Variants in EFCAB14 observed in about 807,000 individuals in gnomAD.
EFCAB14 encodes the protein EF-hand calcium binding domain 14.
EFCAB14 carries 43 observed loss-of-function variants against 56.5 expected under a neutral mutation model. That is an observed-to-expected ratio of 0.76 (90% CI 0.60 to 0.98). The LOEUF (loss-of-function observed/expected upper bound fraction) is 0.98. EFCAB14 is among the 50% of genes least tolerant of loss of function. EFCAB14 has a pLI of 0.00. For synonymous variants in EFCAB14, 235 were observed against 212.9 expected (o/e 1.10, Z -0.90); for missense variants, 538 against 580.3 (o/e 0.93, Z 0.75).
In EFCAB14 at chr1:46,678,607, G is replaced by C; in HGVS notation, c.1342C>G (p.Gln448Glu). The C allele has an allele frequency of 6.2e-7, 1 of 1,613,622 alleles. No individual in the cohort carries two copies. The highest frequency in any genetic ancestry group is 1.1e-5 in the South Asian group (1 of 91,004). Residue 448 changes from glutamine (Q) to glutamate (E), a missense_variant, in exon 11 of 11, where the codon CAG becomes GAG. Gln to Glu is a conservative substitution (Grantham distance 29). Transcript: ENST00000371933. ...TAGGTCAGCTTCCCATCCACGTCCT[G>C]GCCAGTCTTGCGGAATAAATCCTGA... ...DLQDLFRKTG[Q>E]DVDGKLTYQE...
At chr1:46,699,673 A>T (rs1677128303) in intron 3 of EFCAB14, among the ~76,000 whole-genome samples, 1 of 152,220 alleles carries the variant, frequency 6.6e-6, no homozygotes, top group African/African-American at 2.4e-5. Context: ...TAACAACAAC[A>T]ACTATTTAAC....
chr1:46,714,815 A>C (rs1162024808), intron 2 of EFCAB14, among the ~76,000 whole-genome samples: 1 of 151,924 alleles, frequency 6.6e-6, no homozygotes, highest in Non-Finnish European at 1.5e-5. Context: ...AAAAAAAAAA[A>C]ACAAGAAAGA....
intron 10 of EFCAB14, among the ~76,000 whole-genome samples, chr1:46,682,683 G>T (rs1676814775): frequency 6.6e-6 from 1 of 152,144 alleles, no homozygotes; most frequent in South Asian, 2.1e-4. Flanking sequence ...AGTGAATGAA[G>T]ACCCTAAAAA....
At chr1:46,712,484 C>T (rs1023621921) in intron 2 of EFCAB14, among the ~76,000 whole-genome samples, 7 of 145,946 alleles carry the variant, frequency 4.8e-5, no homozygotes, top group East Asian at 2.0e-4. Context: ...TTCTCTTTGA[C>T]GAGAAAAAAA....
At chr1:46,706,816 TGAATG>T (rs1031979957) in intron 3 of EFCAB14, among the ~76,000 whole-genome samples, 13 of 152,202 alleles carry the variant, frequency 8.5e-5, no homozygotes, top group Non-Finnish European at 1.8e-4. Context: ...TAAATAGAAC[TGAATG>T]GAAAGTGTCA....
chr1:46,679,599 GTTTTTTTTTTTTTT>G (rs60875639), intron 10 of EFCAB14, among the ~76,000 whole-genome samples: 17 of 36,524 alleles, frequency 4.7e-4, no homozygotes, highest in Middle Eastern at 0.067. Flanking sequence ...CACCACGCCT[GTTTTTTTTTTTTTT>G]TTTTTTTTTT....
chr1:46,705,451 A>G (rs890946607), intron 3 of EFCAB14, among the ~76,000 whole-genome samples: 4 of 152,250 alleles, frequency 2.6e-5, no homozygotes, highest in African/African-American at 9.6e-5. Flanking sequence ...TTGATGGGAA[A>G]AAAATCTGAC....
At chr1:46,708,149 A>G in intron 2 of EFCAB14, 98 bp from the exon 3 acceptor site, 2 of 1,150,096 alleles carry the variant, frequency 1.7e-6, no homozygotes, top group Non-Finnish European at 2.4e-6. Flanking sequence ...AGATGGATTA[A>G]TAAAAGTTAA....
intron 3 of EFCAB14, among the ~76,000 whole-genome samples, chr1:46,703,021 G>GA (rs1476936831): frequency 3.3e-5 from 5 of 152,044 alleles, no homozygotes; most frequent in African/African-American, 1.2e-4. Context: ...TTATGTTCTA[G>GA]AAAACTTGCA....
chr1:46,688,615 G>A (rs1676928565), intron 6 of EFCAB14, 71 bp from the exon 7 acceptor site: 9 of 1,303,512 alleles, frequency 6.9e-6, no homozygotes, highest in African/African-American at 1.5e-5. Context: ...CAGCAGCACC[G>A]AACAACCATT....
intron 2 of EFCAB14, among the ~76,000 whole-genome samples, chr1:46,711,365 C>A (rs961111972): frequency 2.6e-5 from 4 of 152,238 alleles, no homozygotes; most frequent in Non-Finnish European, 5.9e-5. Flanking sequence ...CTCTTTCCTG[C>A]AGTCTATACG....
intron 2 of EFCAB14, 79 bp from the exon 3 acceptor site, chr1:46,708,130 T>C (rs1677259834): frequency 2.2e-6 from 3 of 1,350,942 alleles, no homozygotes; most frequent in Non-Finnish European, 3.0e-6. Context: ...CATCAAACAG[T>C]AGGAAAGAAG....
chr1:46,708,028 A>C lies in EFCAB14; in HGVS notation c.358T>G (p.Phe120Val). The change falls in exon 3 of 11, where the codon TTC (phenylalanine) becomes GTC (valine). Residue 120 changes from phenylalanine to valine, a missense_variant. By Grantham distance (50) the Phe-to-Val change is conservative. Coordinates refer to ENST00000371933, the MANE Select transcript of EFCAB14 (RefSeq NM_014774.3). ...TCATTAAGTTTGGGGATTTCTTGGA[A>C]TGAGCTTTTCTGATTAGATTCCACT... Reference protein sequence around the residue: ...RTMESNQKSSFQEIPKLNEEL... With the variant: ...RTMESNQKSSVQEIPKLNEEL... The C allele has an allele frequency of 1.9e-6, 3 of 1,612,304 alleles. No individual in the cohort carries two copies.
chr1:46,693,160 A>G (rs1677026226), intron 4 of EFCAB14, among the ~76,000 whole-genome samples: 1 of 152,230 alleles, frequency 6.6e-6, no homozygotes, highest in African/African-American at 2.4e-5. Context: ...AGCCCTAAAA[A>G]GCCCAAGTGG....
rs1328743487 is a variant in EFCAB14 at position 46,677,183 on chromosome 1, AG to A, written c.*1277del. 5 of 152,646 alleles carry A rather than the reference AG, an allele frequency of 3.3e-5. No homozygotes were observed. The allele number at this position is 152,646 out of a possible 1,614,324, so 9.5% of individuals were successfully genotyped here. Reference sequence around the variant, plus strand: ...ATGCCAGGTCCACAGAAGCATTTAAAGGAAGTATTGTACTTGATTGTATTAG... The same window carrying A: ...ATGCCAGGTCCACAGAAGCATTTAAAGAAGTATTGTACTTGATTGTATTAG... On this transcript the variant is annotated 3_prime_UTR_variant, in exon 11 of 11. Transcript: ENST00000371933.
Position 46,691,854 on chromosome 1 carries a change from TTTC to T in EFCAB14, c.660_662del (p.Lys221del). 6.2e-7 allele frequency: 1 copy of T among 1,613,556 alleles called. No homozygotes were observed. Among genetic ancestry groups the T allele is most frequent in the Non-Finnish European group, 8.5e-7 (1 of 1,179,676 alleles). Reference sequence around the variant, plus strand: ...TATCACTCTGCAGTAATTCCATCGTTTTCTTGTGTTCATCCACAGTTTTCTGTA... The same window carrying T: ...TATCACTCTGCAGTAATTCCATCGTTTTGTGTTCATCCACAGTTTTCTGTA... On this transcript the variant is annotated inframe_deletion, in exon 5 of 11. Transcript: ENST00000371933.
intron 2 of EFCAB14, among the ~76,000 whole-genome samples, chr1:46,714,787 G>A (rs1187336567): frequency 3.4e-5 from 5 of 145,586 alleles, no homozygotes; most frequent in African/African-American, 1.3e-4. Flanking sequence ...GACAGAGCAA[G>A]CAAGACCTTA....
At chr1:46,711,770 CAT>C (rs1291182996) in intron 2 of EFCAB14, among the ~76,000 whole-genome samples, 1 of 152,058 alleles carries the variant, frequency 6.6e-6, no homozygotes, top group Non-Finnish European at 1.5e-5. Flanking sequence ...AAATAGTAAA[CAT>C]ATTGCTGACA....
At chr1:46,705,631 C>T (rs1422458697) in intron 3 of EFCAB14, among the ~76,000 whole-genome samples, 1 of 152,132 alleles carries the variant, frequency 6.6e-6, no homozygotes, top group African/African-American at 2.4e-5. Flanking sequence ...GGGGTGGCGT[C>T]CTGTCCAGGG....
Sources: gnomAD v4.1 joint callset for allele counts (sites outside exome capture counted in the v4.1 genomes callset) on GRCh38, gnomAD v4.1.1 for gene constraint, MANE v1.5 for transcripts, NCBI Gene and HGNC (gene_info 2026-07-23, HGNC 2026-07-21) for gene names.